Variants in STAT5B observed in about 807,000 individuals in gnomAD.
STAT5B encodes the protein transcription factor STAT5B.
In STAT5B, 21 loss-of-function variants were observed where a neutral mutation model predicts 107.8. That is an observed-to-expected ratio of 0.19 (90% CI 0.14 to 0.28). The LOEUF is 0.28. STAT5B is among the 10% of genes least tolerant of loss of function. STAT5B has a pLI of 1.00. For synonymous variants in STAT5B, 325 were observed against 401.7 expected (o/e 0.81, Z 2.28); for missense variants, 565 against 1,008.2 (o/e 0.56, Z 5.95).
At chr17:42,252,237 C>T (rs1362050764) in intron 1 of STAT5B, among the ~76,000 whole-genome samples, 1 of 152,098 alleles carries the variant, frequency 6.6e-6, no homozygotes. Context: ...AAAAGTGCCT[C>T]AAACAATCTT....
intron 1 of STAT5B, among the ~76,000 whole-genome samples, chr17:42,243,050 T>A (rs1598323005): frequency 6.6e-6 from 1 of 151,694 alleles, no homozygotes; most frequent in African/African-American, 2.4e-5. Context: ...GTTTATCTGC[T>A]GACCTTCCCT....
chr17:42,215,780 A>G (rs577991852), intron 12 of STAT5B, among the ~76,000 whole-genome samples: 66 of 152,150 alleles, frequency 4.3e-4, no homozygotes, highest in African/African-American at 1.6e-3. Context: ...CACCACACCC[A>G]GCTAATTTTT....
rs1373859325 is a variant in STAT5B, at chr17:42,222,679, A to T, written c.550+703T>A. The stretch of plus-strand genomic sequence containing the variant: ...GTGTGCAAAACCACTCCCAGCTTAG[A>T]ATTTTTTTTTTTTTTTTTTGAGACA... On this transcript the variant is annotated intron_variant, in intron 5 of 18. Transcript: ENST00000293328. 2.0e-5 allele frequency among the ~76,000 whole-genome samples: 3 copies of T among 149,292 alleles called. No homozygotes were observed. In the East Asian group the frequency reaches 5.8e-4, roughly 29 times the overall value.
Position 42,201,513 on chromosome 17 carries a change from C to T in STAT5B, c.*225G>A, listed in dbSNP as rs572099089. 1.2e-3 allele frequency: 783 copies of T among 631,828 alleles called. 5 individuals are homozygous for T. Among genetic ancestry groups the T allele is most frequent in the African/African-American group, 7.4e-3 (391 of 53,188 alleles). The allele number at this position is 631,828 out of a possible 1,614,324, so 39.1% of individuals were successfully genotyped here. A position where few individuals can be genotyped will look rare whatever the true frequency, so the allele number is the denominator to read the frequency against. On this transcript the variant is annotated 3_prime_UTR_variant, in exon 19 of 19. Coordinates refer to ENST00000293328, the MANE Select transcript of STAT5B (RefSeq NM_012448.4). Reference sequence around the variant, plus strand: ...ACAGTGAGAGGGAGAAACACCATAACGTGCAAACACGCACACACACACACA... The same window carrying T: ...ACAGTGAGAGGGAGAAACACCATAATGTGCAAACACGCACACACACACACA...
At chr17:42,222,336 G>A (rs1274830395) in intron 5 of STAT5B, among the ~76,000 whole-genome samples, 1 of 152,072 alleles carries the variant, frequency 6.6e-6, no homozygotes, top group Non-Finnish European at 1.5e-5. Context: ...GGGCGCTGGT[G>A]GGGCTCCACA....
intron 2 of STAT5B, among the ~76,000 whole-genome samples, chr17:42,231,327 T>A (rs955191622): frequency 2.6e-5 from 4 of 151,836 alleles, no homozygotes; most frequent in Admixed American, 2.0e-4. Context: ...TATCTGGAGA[T>A]GAGGGCTTTA....
intron 2 of STAT5B, among the ~76,000 whole-genome samples, chr17:42,228,249 CA>C (rs2080290201): frequency 1.3e-5 from 2 of 152,212 alleles, no homozygotes; most frequent in Admixed American, 1.3e-4. Flanking sequence ...GTCAGACATT[CA>C]TGTCACTAGT....
chr17:42,213,827 C>T (rs1017076375), intron 12 of STAT5B, among the ~76,000 whole-genome samples: 8 of 149,032 alleles, frequency 5.4e-5, no homozygotes, highest in Non-Finnish European at 7.4e-5. Context: ...CCGTGCCCAG[C>T]TGAAAGTCTT....
chr17:42,215,914 A>C, intron 12 of STAT5B, 100 bp downstream of exon 12: 1 of 1,332,550 alleles, frequency 7.5e-7, no homozygotes, highest in Non-Finnish European at 1.0e-6. Flanking sequence ...GAGTCACTGC[A>C]CCCGGCCTTT....
the STAT5B span, chr17:42,288,192 G>A: frequency 6.6e-6 from 1 of 152,222 alleles, no homozygotes; most frequent in African/African-American, 2.4e-5. This position sits in a 1 kb window ranked among gnomAD's most constrained non-coding sequence, Gnocchi z 4.8. Context: ...GGCAACGCCC[G>A]ACAACCACAT....
intron 16 of STAT5B, among the ~76,000 whole-genome samples, chr17:42,206,668 G>A (rs781191995): frequency 3.7e-4 from 56 of 151,668 alleles, no homozygotes; most frequent in African/African-American, 1.1e-3. Context: ...TCCACCTCTC[G>A]GGTTCAAGCA....
chr17:42,225,099 G>A (rs2080262014), intron 3 of STAT5B, among the ~76,000 whole-genome samples: 1 of 152,064 alleles, frequency 6.6e-6, no homozygotes, highest in South Asian at 2.1e-4. Context: ...CTGTTGCCCA[G>A]GCTGGAGTGC....
intron 1 of STAT5B, among the ~76,000 whole-genome samples, chr17:42,237,028 T>C (rs2080362227): frequency 6.6e-6 from 1 of 152,176 alleles, no homozygotes; most frequent in South Asian, 2.1e-4. Context: ...GACTGGGAAA[T>C]GGATTCACAA....
intron 4 of STAT5B, 110 bp from the exon 5 acceptor site, chr17:42,223,666 A>C: frequency 7.2e-7 from 1 of 1,395,250 alleles, no homozygotes; most frequent in Non-Finnish European, 9.8e-7. Context: ...CCAAAAGGTA[A>C]ATTTTGAGTC....
At chr17:42,213,829 G>GAA (rs1312704344) in intron 12 of STAT5B, among the ~76,000 whole-genome samples, 2 of 149,148 alleles carry the variant, frequency 1.3e-5, no homozygotes, top group African/African-American at 4.9e-5. Context: ...GTGCCCAGCT[G>GAA]AAAGTCTTTT....
At chr17:42,219,648 C>A in intron 6 of STAT5B, 64 bp downstream of exon 6, 1 of 1,535,106 alleles carries the variant, frequency 6.5e-7, no homozygotes, top group South Asian at 1.2e-5. Context: ...CCAGCCCTCC[C>A]TCGGGTCCCC....
chr17:42,280,147 C>T (rs1567683054), upstream of STAT5B, among the ~76,000 whole-genome samples: 1 of 152,064 alleles, frequency 6.6e-6, no homozygotes, highest in Non-Finnish European at 1.5e-5. Flanking sequence ...TCCTGAAAGA[C>T]CCCACAGTCC....
chr17:42,202,546 G>T, intron 17 of STAT5B, 99 bp from the exon 18 acceptor site: 1 of 1,489,594 alleles, frequency 6.7e-7, no homozygotes, highest in Non-Finnish European at 9.3e-7. Flanking sequence ...TCAGGGTGTA[G>T]AAGGACAAAG....
intron 1 of STAT5B, among the ~76,000 whole-genome samples, chr17:42,243,389 C>T (rs1056207629): frequency 5.3e-5 from 8 of 151,870 alleles, no homozygotes; most frequent in Non-Finnish European, 1.0e-4. Flanking sequence ...GCTCTAAAGG[C>T]CATTATATCA....
Sources: gnomAD v4.1 joint callset for allele counts (sites outside exome capture counted in the v4.1 genomes callset) on GRCh38, gnomAD v4.1.1 for gene constraint, Gnocchi (gnomAD v3.1) non-coding constraint, MANE v1.5 for transcripts, NCBI Gene and HGNC (gene_info 2026-07-23, HGNC 2026-07-21) for gene names.